TAF8: variants seen among roughly 807,000 people sequenced by gnomAD.
TAF8 encodes the protein TATA-box binding protein associated factor 8.
TAF8 carries 47 observed loss-of-function variants against 36.5 expected under a neutral mutation model. The ratio of observed to expected loss-of-function variants is 1.29; its 90% confidence interval spans 1.02 to 1.64. TAF8 has a LOEUF of 1.64. Among genes scored for constraint, TAF8 ranks in the 40% most tolerant of loss-of-function variants. TAF8 has a pLI of 0.00. For missense variants in TAF8, 420 were observed against 407.6 expected, an observed-to-expected ratio of 1.03 and a Z score of -0.26; for synonymous variants, 175 against 159.5, an observed-to-expected ratio of 1.10 and a Z score of -0.73.
intron 7 of TAF8, among the ~76,000 whole-genome samples, chr6:42,070,073 C>T (rs539125331): frequency 3.3e-5 from 5 of 152,036 alleles, no homozygotes; most frequent in Admixed American, 1.3e-4. Flanking sequence ...AGAATGAGAG[C>T]GAAGACCTGG....
chr6:42,056,745 A>G (rs1209355265), intron 4 of TAF8, among the ~76,000 whole-genome samples: 1 of 152,162 alleles, frequency 6.6e-6, no homozygotes, highest in Admixed American at 6.5e-5. Context: ...AGCTGGGATT[A>G]CAGGCGCTCG....
chr6:42,050,681 GC>G (rs1319254133), intron 1 of TAF8, 95 bp downstream of exon 1: 1 of 1,390,000 alleles, frequency 7.2e-7, no homozygotes, highest in South Asian at 1.4e-5. Flanking sequence ...CAGAAATTCA[GC>G]CCCATCATGA....
chr6:42,078,884 G>A lies in TAF8; in HGVS notation c.*1339G>A, dbSNP rs369994488. On this transcript the variant is annotated 3_prime_UTR_variant, in exon 9 of 9. Transcript: ENST00000372977. The stretch of plus-strand genomic sequence containing the variant: ...CGCCTGTAATCCCAGCACTTCGGGA[G>A]GCGAAGGCAGGTGGATCACTTGAGG... 3 of 974,474 alleles carry A rather than the reference G, an allele frequency of 3.1e-6. No homozygotes were observed. The African/African-American group carries it at 5.3e-5, about 17-fold the overall frequency. The allele number at this position is 974,474 out of a possible 1,614,324, so 60.4% of individuals were successfully genotyped here.
chr6:42,077,929 T>C lies in TAF8; in HGVS notation c.*384T>C. On this transcript the variant is annotated 3_prime_UTR_variant, in exon 9 of 9. Coordinates refer to ENST00000372977, the MANE Select transcript of TAF8 (RefSeq NM_138572.3). Reference sequence around the variant, plus strand: ...GCGCCACCATGCTGGCTAATTTTTGTATTTTGAGTAGAGATAGGGTTTCGC... The same window carrying C: ...GCGCCACCATGCTGGCTAATTTTTGCATTTTGAGTAGAGATAGGGTTTCGC... The C allele has an allele frequency of 3.6e-6, 1 of 279,434 alleles. No individual in the cohort carries two copies. The highest frequency in any genetic ancestry group is 6.0e-6 in the Non-Finnish European group (1 of 166,630). The allele number at this position is 279,434 out of a possible 1,614,324, so 17.3% of individuals were successfully genotyped here. A position where few individuals can be genotyped will look rare whatever the true frequency, so the allele number is the denominator to read the frequency against.
At position 42,080,044 on chromosome 6, in the gene TAF8, A is replaced by G; in HGVS notation, c.*2499A>G. 2 of 985,006 alleles carry G rather than the reference A, an allele frequency of 2.0e-6. No homozygotes were observed. Among genetic ancestry groups the G allele is most frequent in the Non-Finnish European group, 2.4e-6 (2 of 829,864 alleles). The allele number at this position is 985,006 out of a possible 1,614,324, so 61.0% of individuals were successfully genotyped here. A position where few individuals can be genotyped will look rare whatever the true frequency, so the allele number is the denominator to read the frequency against. ...CAACTGGACTAAATAGGAGTTTTTC[A>G]GGTTTGTAGTAACGTGAAACTCTCC... On this transcript the variant is annotated 3_prime_UTR_variant, in exon 9 of 9. Coordinates refer to ENST00000372977, the MANE Select transcript of TAF8 (RefSeq NM_138572.3).
downstream of TAF8, chr6:42,086,724 A>T (rs1333915781): frequency 6.4e-7 from 1 of 1,551,222 alleles, no homozygotes; most frequent in Admixed American, 2.0e-5. Context: ...CTCAGGCCAG[A>T]TACATTCTAG....
chr6:42,066,160 C>T, intron 5 of TAF8, 152 bp from the exon 6 acceptor site: 1 of 922,500 alleles, frequency 1.1e-6, no homozygotes, highest in South Asian at 1.7e-5. Flanking sequence ...CTTGGCCTCC[C>T]AAAGTGCTGG....
In TAF8 at chr6:42,056,018, A is replaced by G. The variant is rs1764974636; in HGVS notation, c.364+4A>G. 6.2e-7 allele frequency: 1 copy of G among 1,602,916 alleles called. No homozygotes were observed. Among genetic ancestry groups the G allele is most frequent in the Non-Finnish European group, 8.5e-7 (1 of 1,169,756 alleles). On this transcript the variant is annotated splice_donor_region_variant and intron_variant, in intron 4 of 8. Coordinates refer to ENST00000372977, the MANE Select transcript of TAF8 (RefSeq NM_138572.3). ...CAGAGGATGGTCATCACTGCTCGTA[A>G]GTGACTTTGAACTGAGGTACTTAGC... is the stretch of plus-strand genomic sequence containing the variant.
At chr6:42,074,790 G>GCCT (rs1235106272) in intron 7 of TAF8, among the ~76,000 whole-genome samples, 5 of 151,406 alleles carry the variant, frequency 3.3e-5, no homozygotes, top group Non-Finnish European at 1.5e-5. Flanking sequence ...ACCTGCCTTG[G>GCCT]CCTCCCAAAG....
chr6:42,082,279 T>G lies in TAF8; in HGVS notation c.*4734T>G, dbSNP rs1765947761. 1 of 152,342 alleles carries G rather than the reference T, an allele frequency of 6.6e-6. No homozygotes were observed. The highest frequency in any genetic ancestry group is 2.4e-5 in the African/African-American group (1 of 41,470). The allele number at this position is 152,342 out of a possible 1,614,324, so 9.4% of individuals were successfully genotyped here. A position where few individuals can be genotyped will look rare whatever the true frequency, so the allele number is the denominator to read the frequency against. On this transcript the variant is annotated 3_prime_UTR_variant, in exon 9 of 9. Coordinates refer to ENST00000372977, the MANE Select transcript of TAF8 (RefSeq NM_138572.3). ...ACTTCTCTCCTGGCAGCCACTACTCTGTTCTCTATCTCTAATGTTATTGAA... is the reference window on the plus strand; with the variant it reads ...ACTTCTCTCCTGGCAGCCACTACTCGGTTCTCTATCTCTAATGTTATTGAA...
chr6:42,072,059 C>T (rs548481434), intron 7 of TAF8, among the ~76,000 whole-genome samples: 69 of 152,218 alleles, frequency 4.5e-4, no homozygotes, highest in Admixed American at 2.2e-3. Flanking sequence ...CATGTGTGAC[C>T]GTGATTGTGT....
chr6:42,059,552 G>C (rs1487779877), intron 5 of TAF8, among the ~76,000 whole-genome samples: 2 of 152,120 alleles, frequency 1.3e-5, no homozygotes, highest in African/African-American at 4.8e-5. Flanking sequence ...AACAGTATAG[G>C]GAGGGTCAGA....
intron 7 of TAF8, among the ~76,000 whole-genome samples, chr6:42,072,219 G>A (rs1188773770): frequency 6.6e-6 from 1 of 152,192 alleles, no homozygotes; most frequent in Non-Finnish European, 1.5e-5. Flanking sequence ...GCTGTTTTAG[G>A]CTATCTAACC....
chr6:42,057,316 T>A, intron 4 of TAF8, 73 bp from the exon 5 acceptor site: 1 of 1,603,630 alleles, frequency 6.2e-7, no homozygotes, highest in Non-Finnish European at 8.5e-7. Context: ...AAAAGGAGGC[T>A]TTGGGGAGAG....
chr6:42,084,797 A>C (rs573643926), downstream of TAF8, among the ~76,000 whole-genome samples: 13 of 152,192 alleles, frequency 8.5e-5, no homozygotes, highest in Admixed American at 5.2e-4. Flanking sequence ...TTTGCTGTTT[A>C]AAAGAAGAGG....
In TAF8 at chr6:42,051,521, C is replaced by T. The variant is rs1311554172; in HGVS notation, c.202+8C>T. The T allele has an allele frequency of 1.2e-6, 2 of 1,612,694 alleles. No individual in the cohort carries two copies. Among genetic ancestry groups the T allele is most frequent in the Non-Finnish European group, 1.7e-6 (2 of 1,179,236 alleles). ...CAGAGATGCTGCAGAGCTGTGAGTA[C>T]ATGGAAACACTTGGCCTTGGAGTCA... On this transcript the variant is annotated splice_region_variant and intron_variant, in intron 2 of 8. Coordinates refer to ENST00000372977, the MANE Select transcript of TAF8 (RefSeq NM_138572.3).
In TAF8 at chr6:42,079,360, A is replaced by G. The variant is rs1475259022; in HGVS notation, c.*1815A>G. On this transcript the variant is annotated 3_prime_UTR_variant, in exon 9 of 9. Transcript: ENST00000372977. The stretch of plus-strand genomic sequence containing the variant: ...CAACTTCATTCTTAACATACCCTAC[A>G]AACCAGAAAACAAGTTTTTAAGGAA... 2 of 985,324 alleles carry G rather than the reference A, an allele frequency of 2.0e-6. No individual in the cohort carries two copies. The highest frequency in any genetic ancestry group is 1.1e-4 in the East Asian group (1 of 8,828). 61.0% of individuals were successfully genotyped at this position (985,324 alleles called of 1,614,324 possible).
chr6:42,051,116 C>T (rs1764763471), intron 1 of TAF8: 1 of 1,182,224 alleles, frequency 8.5e-7, no homozygotes, highest in Non-Finnish European at 1.1e-6. Context: ...AAGTAAAAGA[C>T]CTGCTATTTT....
chr6:42,050,639 C>A (rs1358751726), intron 1 of TAF8, 53 bp downstream of exon 1: 5 of 1,515,974 alleles, frequency 3.3e-6, no homozygotes, highest in Non-Finnish European at 3.5e-6. Flanking sequence ...TATCCTGCAA[C>A]TTTCCCCTCG....
Sources: allele counts gnomAD v4.1 joint callset (sites outside exome capture counted in the v4.1 genomes callset), GRCh38; gene constraint gnomAD v4.1.1; transcripts MANE v1.5; gene names NCBI Gene and HGNC (gene_info 2026-07-23, HGNC 2026-07-21).